The following KPNA6 variants were observed in gnomAD, a reference collection of about 807,000 sequenced individuals.
The protein encoded by KPNA6 is karyopherin subunit alpha 6.
KPNA6 carries 9 observed loss-of-function variants against 72.0 expected under a neutral mutation model. The ratio of observed to expected loss-of-function variants is 0.13; its 90% CI spans 0.08 to 0.22. The LOEUF (loss-of-function observed/expected upper bound fraction) is 0.22, where lower values mean the gene tolerates loss of function less well. Ranked by LOEUF, KPNA6 falls within the 10% of genes least tolerant of loss-of-function variation. The probability of loss-of-function intolerance (pLI) is 1.00; values close to 1 mark genes in which losing one functional copy is unlikely to be tolerated. For missense variants in KPNA6, 374 were observed against 655.7 expected, an observed-to-expected ratio of 0.57 and a Z score of 4.69; for synonymous variants, 219 against 242.1, an observed-to-expected ratio of 0.90 and a Z score of 0.89.
chr1:32,164,265 G>A (rs185451902), intron 10 of KPNA6, among the ~76,000 whole-genome samples: 12 of 152,316 alleles, frequency 7.9e-5, no homozygotes, highest in African/African-American at 2.6e-4. Context: ...ATATTCCACT[G>A]TATGTATATA....
Position 32,173,226 on chromosome 1 carries a change from C to G in KPNA6, c.*2332C>G. On this transcript the variant is annotated 3_prime_UTR_variant, in exon 14 of 14. Transcript: ENST00000373625. ...CCCTACCCAACCTCCGCCCATTGTT[C>G]TCTTCCAAAGGGCAATTTAGTAGGA... 2.6e-6 allele frequency: 1 copy of G among 383,844 alleles called. No homozygotes were observed. Among genetic ancestry groups the G allele is most frequent in the Non-Finnish European group, 4.5e-6 (1 of 219,962 alleles). The allele number at this position is 383,844 out of a possible 1,614,324, so 23.8% of individuals were successfully genotyped here.
intron 1 of KPNA6, among the ~76,000 whole-genome samples, chr1:32,140,125 C>T (rs1182469240): frequency 6.6e-6 from 1 of 152,172 alleles, no homozygotes; most frequent in African/African-American, 2.4e-5. Context: ...TGGCTCACGC[C>T]TGTAATCCCA....
In KPNA6 at chr1:32,162,633, G is replaced by C. The variant is rs537149918; in HGVS notation, c.911+109G>C. 477 of 1,156,146 alleles carry C rather than the reference G, an allele frequency of 4.1e-4. 7 individuals are homozygous for C. In the East Asian group the frequency reaches 0.012, roughly 28 times the overall value. The allele number at this position is 1,156,146 out of a possible 1,614,324, so 71.6% of individuals were successfully genotyped here. On this transcript the variant is annotated intron_variant, in intron 9 of 13. Coordinates refer to ENST00000373625, the MANE Select transcript of KPNA6 (RefSeq NM_012316.5). The stretch of plus-strand genomic sequence containing the variant: ...GGGCGGATCACAAGGTCAGGAGTTC[G>C]AGACCAGCCTGACCAACATGGTGAA...
At chr1:32,169,406 C>G (rs1179521254) in intron 12 of KPNA6, among the ~76,000 whole-genome samples, 1 of 150,546 alleles carries the variant, frequency 6.6e-6, no homozygotes, top group African/African-American at 2.4e-5. Context: ...CTCTCATTCT[C>G]TGGCATGGAA....
intron 2 of KPNA6, 138 bp downstream of exon 2, chr1:32,154,859 G>C: frequency 1.2e-6 from 1 of 859,214 alleles, no homozygotes; most frequent in Admixed American, 2.7e-5. Flanking sequence ...TGTAATCCCA[G>C]CACTTTGGGA....
intron 13 of KPNA6, 142 bp from the exon 14 acceptor site, chr1:32,170,565 C>G (rs1298721473): frequency 3.0e-6 from 2 of 666,856 alleles, no homozygotes; most frequent in Non-Finnish European, 5.2e-6. Context: ...TAACTCTCCC[C>G]TTTCAGGTCC....
Position 32,175,557 on chromosome 1 carries a change from G to T in KPNA6, c.*4663G>T, listed in dbSNP as rs1642511862. The T allele has an allele frequency of 6.6e-6, 1 of 152,106 alleles. No individual in the cohort carries two copies. The highest frequency in any genetic ancestry group is 1.5e-5 in the Non-Finnish European group (1 of 68,106). The allele number at this position is 152,106 out of a possible 1,614,324, so 9.4% of individuals were successfully genotyped here. On this transcript the variant is annotated 3_prime_UTR_variant, in exon 14 of 14. Coordinates refer to ENST00000373625, the MANE Select transcript of KPNA6 (RefSeq NM_012316.5). Reference sequence around the variant, plus strand: ...CCCAGCACTTTGGGAGGCCGAGGCGGGTGGATCACGAGGTCAGGAGTTTGA... The same window carrying T: ...CCCAGCACTTTGGGAGGCCGAGGCGTGTGGATCACGAGGTCAGGAGTTTGA...
Position 32,152,349 on chromosome 1 carries a change from G to T in KPNA6, c.5-2239G>T, listed in dbSNP as rs191363275. On this transcript the variant is annotated intron_variant, in intron 1 of 13. Transcript: ENST00000373625. ...TCTCAAAAAATAATGAATAAATAAA[G>T]AACAACATGATGACAACTTAATTTA... Among the ~76,000 whole-genome samples, 209 of 151,916 alleles carry T rather than the reference G, an allele frequency of 1.4e-3. 3 individuals are homozygous for T. The highest frequency in any genetic ancestry group is 3.9e-3 in the Admixed American group (60 of 15,242).
intron 2 of KPNA6, among the ~76,000 whole-genome samples, chr1:32,156,294 A>G (rs1642141934): frequency 6.6e-6 from 1 of 151,862 alleles, no homozygotes; most frequent in Non-Finnish European, 1.5e-5. Context: ...AACTGCAGAT[A>G]TTACTGAACC....
chr1:32,174,233 A>G lies in KPNA6; in HGVS notation c.*3339A>G, dbSNP rs1219748677. On this transcript the variant is annotated 3_prime_UTR_variant, in exon 14 of 14. Transcript: ENST00000373625. ...TGGTGTTGCTCCTTACCTAGAGCCC[A>G]TTAATCTACCCCATCAACTCTCTGC... 6.6e-6 allele frequency: 1 copy of G among 152,394 alleles called. No individual in the cohort carries two copies. Among genetic ancestry groups the G allele is most frequent in the Non-Finnish European group, 1.5e-5 (1 of 68,266 alleles). 9.4% of individuals were successfully genotyped at this position (152,394 alleles called of 1,614,324 possible).
At chr1:32,129,218 C>T (rs1641593551) in intron 1 of KPNA6, among the ~76,000 whole-genome samples, 1 of 148,264 alleles carries the variant, frequency 6.7e-6, no homozygotes, top group African/African-American at 2.5e-5. Context: ...GGCTGGAGTG[C>T]AGTGTGAGAT....
At chr1:32,120,852 C>T (rs2124526039) in intron 1 of KPNA6, among the ~76,000 whole-genome samples, 1 of 147,470 alleles carries the variant, frequency 6.8e-6, no homozygotes, top group East Asian at 2.0e-4. Context: ...ATTACCACCA[C>T]ACCCAGACGG....
At chr1:32,128,051 G>A (rs796921355) in intron 1 of KPNA6, among the ~76,000 whole-genome samples, 5 of 152,114 alleles carry the variant, frequency 3.3e-5, no homozygotes, top group African/African-American at 1.2e-4. Context: ...TGGAAATTGA[G>A]CTCTTTCATT....
chr1:32,142,788 C>A, intron 1 of KPNA6: 2 of 354,240 alleles, frequency 5.6e-6, no homozygotes, highest in Non-Finnish European at 5.2e-6. Flanking sequence ...AAGCCGCTGG[C>A]GTGCTGGATC....
chr1:32,153,586 A>G (rs1557477283), intron 1 of KPNA6, among the ~76,000 whole-genome samples: 3 of 151,624 alleles, frequency 2.0e-5, no homozygotes, highest in East Asian at 3.9e-4. Flanking sequence ...AAAAAAAAAA[A>G]AAAAGAAGAA....
In KPNA6 at chr1:32,157,592, A is replaced by G. The variant is rs540092845; in HGVS notation, c.331+147A>G. The G allele has an allele frequency of 3.0e-4, 179 of 603,594 alleles. 2 individuals carry two copies. Among genetic ancestry groups the G allele is most frequent in the South Asian group, 4.4e-4 (22 of 50,488 alleles). 37.4% of individuals were successfully genotyped at this position (603,594 alleles called of 1,614,324 possible). The stretch of plus-strand genomic sequence containing the variant: ...GCTTGTACAAGATAGACACATTGCT[A>G]CCTTCACACTGGATACTTCCTCTGC... On this transcript the variant is annotated intron_variant, in intron 4 of 13. Transcript: ENST00000373625.
rs1286731393 is a variant in KPNA6, at chr1:32,174,529, C to T, written c.*3635C>T. The stretch of plus-strand genomic sequence containing the variant: ...GAAAGCCTGGCACTACTAACCTCAC[C>T]TCTCATACACCTCTTTGAAGGCCCC... On this transcript the variant is annotated 3_prime_UTR_variant, in exon 14 of 14. Coordinates refer to ENST00000373625, the MANE Select transcript of KPNA6 (RefSeq NM_012316.5). 1 of 152,202 alleles carries T rather than the reference C, an allele frequency of 6.6e-6. No individual in the cohort carries two copies. The highest frequency in any genetic ancestry group is 1.5e-5 in the Non-Finnish European group (1 of 68,064). The allele number at this position is 152,202 out of a possible 1,614,324, so 9.4% of individuals were successfully genotyped here.
chr1:32,155,515 G>T (rs1026571481), intron 2 of KPNA6, among the ~76,000 whole-genome samples: 2 of 151,162 alleles, frequency 1.3e-5, no homozygotes, highest in Non-Finnish European at 2.9e-5. Flanking sequence ...TAGAGACTGG[G>T]TTTCACCATG....
At chr1:32,168,928 G>A (rs1642385826) in intron 12 of KPNA6, among the ~76,000 whole-genome samples, 1 of 152,180 alleles carries the variant, frequency 6.6e-6, no homozygotes. Flanking sequence ...GTTCAGAGGG[G>A]TAATATTGCA....
Sources: allele counts gnomAD v4.1 joint callset (sites outside exome capture counted in the v4.1 genomes callset), GRCh38; gene constraint gnomAD v4.1.1; transcripts MANE v1.5; gene names NCBI Gene and HGNC (gene_info 2026-07-23, HGNC 2026-07-21).